The following ASPH variants were observed in gnomAD, a reference collection of about 807,000 sequenced individuals.
ASPH encodes aspartate beta-hydroxylase.
A neutral mutation model predicts 118.4 loss-of-function variants in ASPH; 100 were observed. The ratio of observed to expected loss-of-function variants is 0.84; its 90% CI spans 0.72 to 1.00. ASPH has a LOEUF of 1.00. ASPH is among the 50% of genes least tolerant of loss of function. The pLI is 0.00. For synonymous variants in ASPH, 315 were observed against 325.6 expected (o/e 0.97, Z 0.35); for missense variants, 920 against 919.5 (o/e 1.00, Z -0.01).
intron 3 of ASPH, chr8:61,664,433 G>A: frequency 1.0e-6 from 1 of 982,370 alleles, no homozygotes; most frequent in Non-Finnish European, 1.2e-6. Context: ...AAAGTGTTCT[G>A]AAACTGTTCT....
chr8:61,596,063 G>T (rs1455768900), intron 14 of ASPH, among the ~76,000 whole-genome samples: 1 of 152,042 alleles, frequency 6.6e-6, no homozygotes, highest in Non-Finnish European at 1.5e-5. Context: ...GGCAGTGTGA[G>T]AACAAGTGTG....
chr8:61,542,856 C>A (rs1281265572), intron 21 of ASPH, among the ~76,000 whole-genome samples: 1 of 152,032 alleles, frequency 6.6e-6, no homozygotes, highest in East Asian at 1.9e-4. Flanking sequence ...ATATAGAATT[C>A]TTGGTTGGCA....
In ASPH at chr8:61,653,596, C is replaced by T. The variant is rs1213385788; in HGVS notation, c.387G>A (p.Glu129=). 1.2e-6 allele frequency: 2 copies of T among 1,613,956 alleles called. No individual in the cohort carries two copies. Among genetic ancestry groups the T allele is most frequent in the South Asian group, 2.2e-5 (2 of 91,056 alleles). Residue 129 remains glutamate (E), a synonymous_variant, in exon 4 of 25, where the codon GAG becomes GAA. Transcript: ENST00000379454. The stretch of plus-strand genomic sequence containing the variant: ...CCTCCACAGGAACCTGCTCCTCGGG[C>T]TCAGTGTGTGGCTCAGCCTCTTCTG... The part of the protein sequence containing the change: ...VPPEEAEPHT[E]PEEQVPVEAE...
intron 1 of ASPH, among the ~76,000 whole-genome samples, chr8:61,692,669 C>A (rs148528107): frequency 2.4e-3 from 361 of 152,270 alleles, no homozygotes; most frequent in African/African-American, 7.9e-3. Flanking sequence ...GATCAGCTAT[C>A]ATTACAGCAA....
intron 3 of ASPH, among the ~76,000 whole-genome samples, chr8:61,670,144 G>T (rs1204594826): frequency 6.6e-6 from 1 of 151,616 alleles, no homozygotes; most frequent in South Asian, 2.1e-4. Context: ...CTGAAGAAAA[G>T]TATATAGACA....
At chr8:61,632,599 C>T (rs969255172) in intron 13 of ASPH, 1 of 466,462 alleles carries the variant, frequency 2.1e-6, no homozygotes, top group Non-Finnish European at 4.2e-6. Context: ...AGGTCAATTT[C>T]TCCATGGACT....
chr8:61,562,387 G>GTC (rs200663589), intron 18 of ASPH, among the ~76,000 whole-genome samples: 6,341 of 99,452 alleles, frequency 0.064, 449 homozygotes, highest in African/African-American at 0.21. Context: ...AGGAAAGTGT[G>GTC]TCTGTGTGTG....
At chr8:61,658,143 C>T (rs1588790194) in intron 3 of ASPH, 2 of 152,186 alleles carry the variant, frequency 1.3e-5, no homozygotes, top group Non-Finnish European at 2.9e-5. Flanking sequence ...CGTTAATCCT[C>T]GTTGTCGCTC....
At chr8:61,695,728 C>T (rs1833776303) in intron 1 of ASPH, among the ~76,000 whole-genome samples, 1 of 152,200 alleles carries the variant, frequency 6.6e-6, no homozygotes, top group Non-Finnish European at 1.5e-5. Flanking sequence ...CTGCCACGTT[C>T]ATTACTGTAC....
In ASPH at chr8:61,694,196, C is replaced by T. The variant is rs534080920; in HGVS notation, c.104-10008G>A. Reference sequence around the variant, plus strand: ...TCCTGAGTGCCCAATGCCCAGCACACAAACCTGCCCTAGCCTGCATCCATT... The same window carrying T: ...TCCTGAGTGCCCAATGCCCAGCACATAAACCTGCCCTAGCCTGCATCCATT... On this transcript the variant is annotated intron_variant, in intron 1 of 24. Transcript: ENST00000379454. Among the ~76,000 whole-genome samples, 5 of 152,322 alleles carry T rather than the reference C, an allele frequency of 3.3e-5. No individual in the cohort carries two copies. The East Asian group carries it at 9.6e-4, about 29-fold the overall frequency.
intron 10 of ASPH, 124 bp from the exon 11 acceptor site, chr8:61,638,487 G>C: frequency 1.2e-6 from 1 of 813,704 alleles, no homozygotes; most frequent in Non-Finnish European, 2.0e-6. Flanking sequence ...CAGTCACTGG[G>C]AAACAGCCGA....
At chr8:61,662,901 C>G (rs535860893) in intron 3 of ASPH, 1 of 984,672 alleles carries the variant, frequency 1.0e-6, no homozygotes, top group African/African-American at 1.7e-5. Context: ...TATTTTCACT[C>G]ATTTGTTTAG....
chr8:61,559,984 C>T (rs373400831), intron 18 of ASPH, among the ~76,000 whole-genome samples: 51 of 152,096 alleles, frequency 3.4e-4, no homozygotes, highest in African/African-American at 1.2e-3. Context: ...TGTCCCTGCT[C>T]AGGCAAGAGA....
chr8:61,622,955 C>A (rs574217269), intron 13 of ASPH, among the ~76,000 whole-genome samples: 1 of 152,130 alleles, frequency 6.6e-6, no homozygotes, highest in African/African-American at 2.4e-5. Flanking sequence ...GTTCTAGAAC[C>A]CCAGGGGCTT....
chr8:61,559,618 T>C (rs1829081201), intron 18 of ASPH, among the ~76,000 whole-genome samples: 1 of 152,212 alleles, frequency 6.6e-6, no homozygotes, highest in African/African-American at 2.4e-5. Flanking sequence ...TAAATATTAA[T>C]TTTTCAGCAA....
At chr8:61,664,648 G>A in intron 3 of ASPH, 3 of 986,128 alleles carry the variant, frequency 3.0e-6, no homozygotes, top group Non-Finnish European at 3.6e-6. Flanking sequence ...AAGACTTGGG[G>A]AGGGAGACTA....
intron 21 of ASPH, among the ~76,000 whole-genome samples, chr8:61,537,130 T>C (rs1419678294): frequency 6.6e-6 from 1 of 152,166 alleles, no homozygotes; most frequent in Non-Finnish European, 1.5e-5. Context: ...TCCTCATATA[T>C]TGGCTCAGAC....
intron 14 of ASPH, among the ~76,000 whole-genome samples, chr8:61,614,433 T>C (rs1848400123): frequency 6.6e-6 from 1 of 152,214 alleles, no homozygotes; most frequent in South Asian, 2.1e-4. Flanking sequence ...CAAGAACATA[T>C]TGCACATTTT....
chr8:61,549,523 T>C lies in ASPH; in HGVS notation c.1627-1315A>G, dbSNP rs531638328. On this transcript the variant is annotated intron_variant, in intron 20 of 24. Transcript: ENST00000379454. ...ATTAATATCTGAAACTAAGAATGCA[T>C]ATACAAATCATTCTTAAATATTTTC... Among the ~76,000 whole-genome samples the C allele has an allele frequency of 7.5e-4, 115 of 152,332 alleles. 2 individuals carry two copies. The South Asian group carries it at 0.012, about 16-fold the overall frequency.
Sources: allele counts gnomAD v4.1 joint callset (sites outside exome capture counted in the v4.1 genomes callset), GRCh38; gene constraint gnomAD v4.1.1; transcripts MANE v1.5; gene names NCBI Gene and HGNC (gene_info 2026-07-23, HGNC 2026-07-21).